The following GABRA2 variants were observed in gnomAD, a reference collection of about 807,000 sequenced individuals.
GABRA2 encodes gamma-aminobutyric acid receptor subunit alpha-2.
In GABRA2, 16 loss-of-function variants were observed where a neutral mutation model predicts 48.7. The observed-to-expected ratio is 0.33, with a 90% CI of 0.22 to 0.50. The LOEUF is 0.50. Ranked by LOEUF, GABRA2 falls within the 20% of genes least tolerant of loss-of-function variation. The probability of loss-of-function intolerance (pLI) is 0.98; values close to 1 mark genes in which losing one functional copy is unlikely to be tolerated. For synonymous variants in GABRA2, 185 were observed against 184.5 expected (o/e 1.00, Z -0.02); for missense variants, 275 against 535.6 (o/e 0.51, Z 4.80).
At chr4:46,348,108 G>T (rs1021130837) in intron 3 of GABRA2, among the ~76,000 whole-genome samples, 1 of 152,000 alleles carries the variant, frequency 6.6e-6, no homozygotes, top group Non-Finnish European at 1.5e-5. Context: ...TCAAAAAATG[G>T]GTGAAGGATA....
intron 8 of GABRA2, among the ~76,000 whole-genome samples, chr4:46,285,226 A>T (rs2109492225): frequency 6.6e-6 from 1 of 152,208 alleles, no homozygotes; most frequent in African/African-American, 2.4e-5. Flanking sequence ...AACTCATAGA[A>T]TACTTTTATC....
At chr4:46,310,345 A>T in intron 5 of GABRA2, 90 bp from the exon 6 acceptor site, 1 of 871,040 alleles carries the variant, frequency 1.1e-6, no homozygotes, top group Non-Finnish European at 1.9e-6. Flanking sequence ...CGATAGAGGT[A>T]GAGCATTAAT....
In GABRA2 at chr4:46,321,151, T is replaced by G. The variant is rs535148014; in HGVS notation, c.256-8435A>C. ...GAAGGAAAATACTGCATGATCTCACTTACATGTGGAAAAAAGGAAGAGAGA... is the reference window on the plus strand; with the variant it reads ...GAAGGAAAATACTGCATGATCTCACGTACATGTGGAAAAAAGGAAGAGAGA... On this transcript the variant is annotated intron_variant, in intron 4 of 9. Transcript: ENST00000381620. Among the ~76,000 whole-genome samples the G allele has an allele frequency of 7.2e-5, 11 of 151,872 alleles. No homozygotes were observed. In the South Asian group the frequency reaches 2.1e-3, roughly 29 times the overall value.
rs922635272 is a variant in GABRA2 at position 46,246,628 on chromosome 4, T to C, written c.*3680A>G. ...CCTTAAAATTCTGAATGTTTTCATATGATAAAAAATTTGGTCATTGCTTCA... is the reference window on the plus strand; with the variant it reads ...CCTTAAAATTCTGAATGTTTTCATACGATAAAAAATTTGGTCATTGCTTCA... On this transcript the variant is annotated 3_prime_UTR_variant, in exon 10 of 10. Coordinates refer to ENST00000381620, the MANE Select transcript of GABRA2 (RefSeq NM_000807.4). Among the ~76,000 whole-genome samples the C allele has an allele frequency of 5.3e-5, 8 of 151,236 alleles. No homozygotes were observed. Among genetic ancestry groups the C allele is most frequent in the African/African-American group, 1.9e-4 (8 of 41,348 alleles).
chr4:46,297,546 C>T lies in GABRA2; in HGVS notation c.856+5914G>A, dbSNP rs572597481. ...AACTGATATATACACTCTAGAGAAC[C>T]CTAATACGATTATCTAATTTGTTGG... On this transcript the variant is annotated intron_variant, in intron 8 of 9. Transcript: ENST00000381620. 4.9e-5 allele frequency among the ~76,000 whole-genome samples: 6 copies of T among 121,386 alleles called. 1 individual carries two copies. Among genetic ancestry groups the T allele is most frequent in the African/African-American group, 1.9e-4 (6 of 31,028 alleles). The allele number at this position is 121,386 out of a possible 152,430, so 79.6% of individuals were successfully genotyped here. A position where few individuals can be genotyped will look rare whatever the true frequency, so the allele number is the denominator to read the frequency against.
chr4:46,358,415 G>A (rs1736348806), intron 3 of GABRA2, among the ~76,000 whole-genome samples: 1 of 152,000 alleles, frequency 6.6e-6, no homozygotes, highest in Non-Finnish European at 1.5e-5. Context: ...GTTTTGTTTT[G>A]CAATACTGAT....
intron 6 of GABRA2, among the ~76,000 whole-genome samples, 185 bp downstream of exon 6, chr4:46,309,988 G>A (rs1242130789): frequency 2.0e-5 from 3 of 152,116 alleles, no homozygotes; most frequent in Non-Finnish European, 4.4e-5. Flanking sequence ...TTAACACCAT[G>A]ATTAAATTAT....
At chr4:46,258,442 G>A (rs1207169024) in intron 9 of GABRA2, among the ~76,000 whole-genome samples, 4 of 151,834 alleles carry the variant, frequency 2.6e-5, no homozygotes, top group Non-Finnish European at 5.9e-5. Flanking sequence ...TGCTGAGGAT[G>A]GCAAATGGGG....
intron 8 of GABRA2, 108 bp downstream of exon 8, chr4:46,303,352 C>A: frequency 1.8e-6 from 2 of 1,104,240 alleles, no homozygotes. Context: ...ACAATACTCC[C>A]CGCCCCACCT....
chr4:46,329,279 A>C (rs955405237), intron 4 of GABRA2, among the ~76,000 whole-genome samples: 22 of 152,142 alleles, frequency 1.4e-4, no homozygotes, highest in African/African-American at 5.3e-4. Flanking sequence ...ATACAATGTC[A>C]GGTTTTGTCA....
chr4:46,351,848 T>A (rs1235240109), intron 3 of GABRA2, among the ~76,000 whole-genome samples: 8 of 152,052 alleles, frequency 5.3e-5, no homozygotes, highest in Admixed American at 5.2e-4. Flanking sequence ...TCTGTTTTGA[T>A]ACACTATTAG....
intron 3 of GABRA2, among the ~76,000 whole-genome samples, chr4:46,377,616 C>T (rs1716001119): frequency 1.3e-5 from 2 of 150,692 alleles, no homozygotes; most frequent in Non-Finnish European, 3.0e-5. Flanking sequence ...GGGGTCAGCC[C>T]CCCGCCCGGC....
intron 4 of GABRA2, among the ~76,000 whole-genome samples, chr4:46,313,117 AAAT>A: frequency 5.2e-5 from 1 of 19,228 alleles, no homozygotes; most frequent in South Asian, 1.8e-3. Flanking sequence ...TCCCAGTAGC[AAAT>A]AAATAAATAA....
chr4:46,315,237 GA>G (rs749575465), intron 4 of GABRA2, among the ~76,000 whole-genome samples: 8 of 151,166 alleles, frequency 5.3e-5, no homozygotes, highest in Non-Finnish European at 8.8e-5. Flanking sequence ...GATGATTGGT[GA>G]TGTGAAGCAT....
intron 8 of GABRA2, among the ~76,000 whole-genome samples, chr4:46,274,221 C>T (rs1720052990): frequency 6.6e-6 from 1 of 152,018 alleles, no homozygotes; most frequent in African/African-American, 2.4e-5. Flanking sequence ...ATTGAGTTTA[C>T]ATGAGGTGTA....
Position 46,292,220 on chromosome 4 carries a change from G to A in GABRA2, c.856+11240C>T, listed in dbSNP as rs74373441. On this transcript the variant is annotated intron_variant, in intron 8 of 9. Transcript: ENST00000381620. ...ATGAAAAACAAATGATGAACTCAGGGATTCTAACTCCAGGCTTCACAAGCA... is the reference window on the plus strand; with the variant it reads ...ATGAAAAACAAATGATGAACTCAGGAATTCTAACTCCAGGCTTCACAAGCA... Among the ~76,000 whole-genome samples, 952 of 152,240 alleles carry A rather than the reference G, an allele frequency of 6.3e-3. 6 individuals are homozygous for A. Among genetic ancestry groups the A allele is most frequent in the Middle Eastern group, 0.02 (6 of 294 alleles).
chr4:46,377,904 A>G, intron 3 of GABRA2, among the ~76,000 whole-genome samples: 1 of 147,946 alleles, frequency 6.8e-6, no homozygotes, highest in Admixed American at 6.7e-5. Context: ...CCAGGAGGTG[A>G]GGGGCGCCTC....
chr4:46,303,184 T>C (rs1351113151), intron 8 of GABRA2: 1 of 371,866 alleles, frequency 2.7e-6, no homozygotes, highest in East Asian at 5.0e-5. Flanking sequence ...CTTGTGTAAA[T>C]ATAGTACAGA....
intron 3 of GABRA2, chr4:46,365,245 T>C (rs1387309597): frequency 6.6e-6 from 1 of 152,294 alleles, no homozygotes; most frequent in South Asian, 2.1e-4. Context: ...AATCCAACTA[T>C]TCCTTCTCAT....
Sources: gnomAD v4.1 joint callset for allele counts (sites outside exome capture counted in the v4.1 genomes callset) on GRCh38, gnomAD v4.1.1 for gene constraint, MANE v1.5 for transcripts, NCBI Gene and HGNC (gene_info 2026-07-23, HGNC 2026-07-21) for gene names.